VPS13B: variants seen among roughly 807,000 people sequenced by gnomAD.
VPS13B encodes the protein intermembrane lipid transfer protein VPS13B.
In VPS13B, 285 loss-of-function variants were observed where a neutral mutation model predicts 426.4. The ratio of observed to expected loss-of-function variants is 0.67; its 90% CI spans 0.61 to 0.74. The LOEUF (loss-of-function observed/expected upper bound fraction) is 0.74, where lower values mean the gene tolerates loss of function less well. Ranked by LOEUF, VPS13B falls within the 30% of genes least tolerant of loss-of-function variation. VPS13B has a pLI of 0.00. For missense variants in VPS13B, 4,537 were observed against 4,782.6 expected, an observed-to-expected ratio of 0.95 and a Z score of 1.51; for synonymous variants, 1,676 against 1,676.4, an observed-to-expected ratio of 1.00 and a Z score of 0.01.
At chr8:99,281,924 A>G (rs755133288) in intron 19 of VPS13B, among the ~76,000 whole-genome samples, 2 of 152,114 alleles carry the variant, frequency 1.3e-5, no homozygotes, top group South Asian at 2.1e-4. Context: ...CCATAAGTTT[A>G]TATCTTTCTG....
At chr8:99,800,206 G>C (rs1415662917) in intron 43 of VPS13B, among the ~76,000 whole-genome samples, 1 of 152,100 alleles carries the variant, frequency 6.6e-6, no homozygotes. Context: ...CTCCTCTTCT[G>C]TATGTACATA....
intron 35 of VPS13B, among the ~76,000 whole-genome samples, chr8:99,687,660 A>T (rs1382064937): frequency 1.3e-5 from 2 of 151,960 alleles, no homozygotes; most frequent in Non-Finnish European, 1.5e-5. Flanking sequence ...TCTCCCGCCC[A>T]CAAATGCACA....
At position 99,720,283 on chromosome 8, in the gene VPS13B, C is replaced by T; in HGVS notation, c.6658-62C>T. The T allele has an allele frequency of 2.3e-6, 3 of 1,291,802 alleles. No homozygotes were observed. In the Admixed American group the frequency reaches 5.4e-5, roughly 23 times the overall value. 80.0% of individuals were successfully genotyped at this position (1,291,802 alleles called of 1,614,324 possible). On this transcript the variant is annotated intron_variant, in intron 37 of 61. Coordinates refer to ENST00000357162, the MANE Select transcript of VPS13B (RefSeq NM_152564.5). ...TACATTAATTCAAATATGATTATAC[C>T]TAATTAGTCTCAAGAAATGTTTGTA...
At chr8:99,384,721 C>G (rs542444870) in intron 20 of VPS13B, among the ~76,000 whole-genome samples, 1 of 152,120 alleles carries the variant, frequency 6.6e-6, no homozygotes, top group African/African-American at 2.4e-5. Context: ...AGTGCAGTGG[C>G]GTGATCTCGG....
At chr8:99,046,904 T>C (rs1021579409) in intron 3 of VPS13B, among the ~76,000 whole-genome samples, 1 of 152,230 alleles carries the variant, frequency 6.6e-6, no homozygotes. Flanking sequence ...GATTATCTTT[T>C]TGATATATTG....
intron 33 of VPS13B, among the ~76,000 whole-genome samples, chr8:99,586,241 C>G (rs1826293849): frequency 6.6e-6 from 1 of 152,164 alleles, no homozygotes; most frequent in South Asian, 2.1e-4. Context: ...TCTTAAATTT[C>G]TTCCTGATAA....
At chr8:99,127,073 G>A (rs1423598912) in intron 8 of VPS13B, among the ~76,000 whole-genome samples, 1 of 151,792 alleles carries the variant, frequency 6.6e-6, no homozygotes, top group African/African-American at 2.4e-5. Flanking sequence ...TGCAGCCTGG[G>A]TGACAGAGCG....
chr8:99,721,478 C>T (rs1458191740), intron 39 of VPS13B, among the ~76,000 whole-genome samples: 1 of 152,058 alleles, frequency 6.6e-6, no homozygotes, highest in Non-Finnish European at 1.5e-5. Context: ...GGTCTTGGGG[C>T]TTGAGGTAGG....
chr8:99,454,882 G>A (rs78329165), intron 23 of VPS13B, among the ~76,000 whole-genome samples: 7,735 of 152,210 alleles, frequency 0.051, 225 homozygotes, highest in African/African-American at 0.076. Context: ...GACATGTTCT[G>A]TGAAGCATCT....
rs951764552 is a variant in VPS13B, at chr8:99,060,378, G to A, written c.291+21812G>A. ...AATTCCAGCACTTTGGGAGGCTGAG[G>A]CAGGTGGATCACTTGAGGTTAGGAG... On this transcript the variant is annotated intron_variant, in intron 3 of 61. Coordinates refer to ENST00000357162, the MANE Select transcript of VPS13B (RefSeq NM_152564.5). Among the ~76,000 whole-genome samples, 10 of 152,156 alleles carry A rather than the reference G, an allele frequency of 6.6e-5. No individual in the cohort carries two copies. The South Asian group carries it at 2.1e-3, about 31-fold the overall frequency.
chr8:99,825,360 C>T (rs950625626), intron 51 of VPS13B, among the ~76,000 whole-genome samples: 6 of 151,932 alleles, frequency 3.9e-5, no homozygotes, highest in Non-Finnish European at 8.8e-5. Flanking sequence ...TTTTTGACCA[C>T]GTAAATGTCT....
intron 19 of VPS13B, among the ~76,000 whole-genome samples, chr8:99,308,494 A>G (rs1174168941): frequency 6.6e-6 from 1 of 152,124 alleles, no homozygotes; most frequent in East Asian, 1.9e-4. Flanking sequence ...CCATGTCCCT[A>G]CAAAGGACAT....
intron 23 of VPS13B, 123 bp downstream of exon 23, chr8:99,442,758 C>A: frequency 4.1e-6 from 4 of 964,432 alleles, no homozygotes; most frequent in Non-Finnish European, 6.3e-6. Context: ...TTTTTCCTGA[C>A]CAAAGTAAGT....
chr8:99,291,334 T>A (rs1819722066), intron 19 of VPS13B, among the ~76,000 whole-genome samples: 1 of 152,138 alleles, frequency 6.6e-6, no homozygotes, highest in South Asian at 2.1e-4. Context: ...GATGTAATAA[T>A]ACTAATAGTT....
Position 99,819,928 on chromosome 8 carries a change from C to T in VPS13B, c.8800C>T (p.Gln2934Ter). ...ATGTGGTTTTTGGAACAGGAATGAACAGCTAAGTCAGTGGGATAGCCCAAT... is the reference window on the plus strand; with the variant it reads ...ATGTGGTTTTTGGAACAGGAATGAATAGCTAAGTCAGTGGGATAGCCCAAT... Reference protein sequence around the residue: ...YNKKDSDRNEQLSQWDSPMRV... With the variant: ...YNKKDSDRNE Residue 2934 changes from glutamine (Q) to a stop codon, truncating the protein, a stop_gained, in exon 49 of 62, where the codon CAG becomes TAG. Transcript: ENST00000357162. LOFTEE classifies it high-confidence loss of function. 2 of 1,613,900 alleles carry T rather than the reference C, an allele frequency of 1.2e-6. No individual in the cohort carries two copies. The highest frequency in any genetic ancestry group is 1.1e-5 in the South Asian group (1 of 91,072).
chr8:99,742,140 G>T (rs1345919502), intron 39 of VPS13B, among the ~76,000 whole-genome samples: 1 of 152,024 alleles, frequency 6.6e-6, no homozygotes, highest in Admixed American at 6.6e-5. Context: ...TGATGAAGGG[G>T]ACATCACCAC....
At chr8:99,576,032 C>T (rs1825759450) in intron 32 of VPS13B, among the ~76,000 whole-genome samples, 1 of 152,088 alleles carries the variant, frequency 6.6e-6, no homozygotes, top group South Asian at 2.1e-4. Context: ...TTGTAGATGA[C>T]AAAACTGAGG....
chr8:99,537,068 G>C (rs1465786935), intron 30 of VPS13B, among the ~76,000 whole-genome samples: 4 of 151,996 alleles, frequency 2.6e-5, no homozygotes, highest in Non-Finnish European at 5.9e-5. Flanking sequence ...AATATGTTTT[G>C]ATTTTTTAAT....
At chr8:99,800,957 A>G (rs1160455814) in intron 43 of VPS13B, among the ~76,000 whole-genome samples, 1 of 152,210 alleles carries the variant, frequency 6.6e-6, no homozygotes, top group African/African-American at 2.4e-5. Context: ...TGACTATTAC[A>G]AAGTATATGA....
Sources: gnomAD v4.1 joint callset for allele counts (sites outside exome capture counted in the v4.1 genomes callset) on GRCh38, gnomAD v4.1.1 for gene constraint, MANE v1.5 for transcripts, NCBI Gene and HGNC (gene_info 2026-07-23, HGNC 2026-07-21) for gene names.